The following LARGE1 variants were observed in gnomAD, a reference collection of about 807,000 sequenced individuals.
The protein encoded by LARGE1 is xylosyl- and glucuronyltransferase LARGE1.
LARGE1 carries 43 observed loss-of-function variants against 87.6 expected under a neutral mutation model. The observed-to-expected ratio is 0.49, with a 90% CI of 0.38 to 0.63. The LOEUF is 0.63. Ranked by LOEUF, LARGE1 falls within the 30% of genes least tolerant of loss-of-function variation. The pLI is 0.00. For synonymous variants in LARGE1, 434 were observed against 394.6 expected (o/e 1.10, Z -1.18); for missense variants, 802 against 1,000.2 (o/e 0.80, Z 2.67).
At chr22:33,301,154 A>G (rs920908446) in intron 12 of LARGE1, among the ~76,000 whole-genome samples, 1 of 152,182 alleles carries the variant, frequency 6.6e-6, no homozygotes, top group Non-Finnish European at 1.5e-5. Context: ...ATCCACTGGT[A>G]ACGTCTGGGT....
At chr22:33,909,522 G>GT (rs113177754) in intron 1 of LARGE1, among the ~76,000 whole-genome samples, 4,070 of 143,050 alleles carry the variant, frequency 0.028, 181 homozygotes, top group African/African-American at 0.094. Context: ...TTCTTCTTTT[G>GT]TTTTTTTTTT....
chr22:33,634,669 T>A (rs187231427), intron 3 of LARGE1, among the ~76,000 whole-genome samples: 2 of 145,162 alleles, frequency 1.4e-5, no homozygotes, highest in South Asian at 2.1e-4. Context: ...GCAAAAAAAA[T>A]TTCAAAATAA....
intron 9 of LARGE1, among the ~76,000 whole-genome samples, chr22:33,351,235 C>T (rs116301379): frequency 0.011 from 1,601 of 152,296 alleles, 31 homozygotes; most frequent in African/African-American, 0.037. Context: ...CAGGAAGCCA[C>T]CCTGCCATAA....
At chr22:33,407,788 T>C (rs903405454) in intron 7 of LARGE1, among the ~76,000 whole-genome samples, 1 of 152,124 alleles carries the variant, frequency 6.6e-6, no homozygotes, top group African/African-American at 2.4e-5. Context: ...ATCTTTGGCT[T>C]TGGAAGCGAA....
At chr22:33,658,661 A>G (rs2081038368) in intron 2 of LARGE1, among the ~76,000 whole-genome samples, 3 of 152,108 alleles carry the variant, frequency 2.0e-5, no homozygotes, top group South Asian at 2.1e-4. Context: ...GTGTATATGT[A>G]CCATATTTTC....
chr22:33,682,893 C>T (rs748349308), intron 2 of LARGE1, among the ~76,000 whole-genome samples: 56 of 152,186 alleles, frequency 3.7e-4, no homozygotes, highest in Non-Finnish European at 7.2e-4. Flanking sequence ...GGGAACAAAG[C>T]CAGTGGTCCC....
chr22:33,212,011 G>A (rs1489928311), intron 11 of LARGE1, among the ~76,000 whole-genome samples: 1 of 152,252 alleles, frequency 6.6e-6, no homozygotes, highest in African/African-American at 2.4e-5. Flanking sequence ...ATTGGTTCAT[G>A]AGGATTAAAG....
intron 10 of LARGE1, among the ~76,000 whole-genome samples, chr22:33,333,366 A>C (rs919144787): frequency 6.6e-6 from 1 of 151,956 alleles, no homozygotes; most frequent in African/African-American, 2.4e-5. Flanking sequence ...TTTTCATTTC[A>C]TCCTCTACCT....
chr22:33,385,560 A>G lies in LARGE1; in HGVS notation c.893-1256T>C, dbSNP rs1024608072. Among the ~76,000 whole-genome samples, 23 of 146,956 alleles carry G rather than the reference A, an allele frequency of 1.6e-4. 3 individuals are homozygous for G. The highest frequency in any genetic ancestry group is 9.5e-4 in the Admixed American group (14 of 14,766). On this transcript the variant is annotated intron_variant, in intron 7 of 14. Transcript: ENST00000397394. ...AAAAAAAAAAAAAAAAAAAAGCTAAAACAACTAAACATATTATTCAGGCAA... is the reference window on the plus strand; with the variant it reads ...AAAAAAAAAAAAAAAAAAAAGCTAAGACAACTAAACATATTATTCAGGCAA...
At chr22:33,132,982 T>C in the LARGE1 span, among the ~76,000 whole-genome samples, 4 of 152,202 alleles carry the variant, frequency 2.6e-5, no homozygotes, top group African/African-American at 9.6e-5. Context: ...CCCTATTGGT[T>C]TTTATTTCTA....
Position 33,283,393 on chromosome 22 carries a change from A to C in LARGE1, c.1731-45T>G. On this transcript the variant is annotated intron_variant, in intron 12 of 14. Coordinates refer to ENST00000397394, the MANE Select transcript of LARGE1 (RefSeq NM_133642.5). Reference sequence around the variant, plus strand: ...AGAGAGACAGAGTCCCTGTGACACCAGGCCAAGGTCTTTCCCCCATGAGGG... The same window carrying C: ...AGAGAGACAGAGTCCCTGTGACACCCGGCCAAGGTCTTTCCCCCATGAGGG... 4 of 1,611,150 alleles carry C rather than the reference A, an allele frequency of 2.5e-6. No individual in the cohort carries two copies. In the South Asian group the frequency reaches 4.4e-5, roughly 18 times the overall value.
intron 6 of LARGE1, among the ~76,000 whole-genome samples, chr22:33,454,282 T>C (rs2068046152): frequency 6.6e-6 from 1 of 152,038 alleles, no homozygotes; most frequent in African/African-American, 2.4e-5. Context: ...CATTCTCACA[T>C]TGCTATAAAA....
intron 9 of LARGE1, among the ~76,000 whole-genome samples, chr22:33,348,052 G>A (rs1402411471): frequency 2.0e-5 from 3 of 152,142 alleles, no homozygotes; most frequent in Non-Finnish European, 4.4e-5. Flanking sequence ...GGCAAGGACA[G>A]GGAAGGTACA....
At chr22:33,632,573 G>C (rs1200013676) in intron 3 of LARGE1, among the ~76,000 whole-genome samples, 4 of 151,944 alleles carry the variant, frequency 2.6e-5, no homozygotes, top group African/African-American at 4.8e-5. Flanking sequence ...TCCAGTCCTT[G>C]CTGGGTTTCT....
intron 2 of LARGE1, among the ~76,000 whole-genome samples, chr22:33,664,776 A>G (rs995121094): frequency 6.6e-6 from 1 of 152,170 alleles, no homozygotes; most frequent in African/African-American, 2.4e-5. Flanking sequence ...CGGCAGAAGA[A>G]ACGCTTGAAC....
At chr22:33,402,130 G>A (rs713960) in intron 7 of LARGE1, among the ~76,000 whole-genome samples, 5,701 of 152,274 alleles carry the variant, frequency 0.037, 161 homozygotes, top group Non-Finnish European at 0.053. Context: ...GGAAACTGAG[G>A]CTCGGAGAGG....
intron 6 of LARGE1, among the ~76,000 whole-genome samples, chr22:33,501,809 G>A (rs1283859880): frequency 6.6e-6 from 1 of 152,282 alleles, no homozygotes; most frequent in Non-Finnish European, 1.5e-5. Context: ...TGACATGGAC[G>A]TTAGCTACAC....
intron 1 of LARGE1, among the ~76,000 whole-genome samples, chr22:33,820,715 A>G (rs1260558211): frequency 7.2e-5 from 11 of 152,130 alleles, no homozygotes; most frequent in Admixed American, 6.6e-4. Context: ...GCCAGGCCCT[A>G]TACTTCCTCT....
chr22:33,681,148 A>G (rs1160934250), intron 2 of LARGE1, among the ~76,000 whole-genome samples: 1 of 152,206 alleles, frequency 6.6e-6, no homozygotes, highest in Non-Finnish European at 1.5e-5. Flanking sequence ...ATCAAATTGC[A>G]TAATTTGTAC....
Sources: gnomAD v4.1 joint callset for allele counts (sites outside exome capture counted in the v4.1 genomes callset) on GRCh38, gnomAD v4.1.1 for gene constraint, MANE v1.5 for transcripts, NCBI Gene and HGNC (gene_info 2026-07-23, HGNC 2026-07-21) for gene names.